The following DGKA variants were observed in gnomAD, a reference collection of about 807,000 sequenced individuals.
DGKA encodes 80 kDa diacylglycerol kinase.
A neutral mutation model predicts 105.0 loss-of-function variants in DGKA; 35 were observed. The observed-to-expected ratio is 0.33, with a 90% CI of 0.25 to 0.44. The LOEUF (loss-of-function observed/expected upper bound fraction) is 0.44. Ranked by LOEUF, DGKA falls within the 20% of genes least tolerant of loss-of-function variation. The pLI is 1.00. For synonymous variants in DGKA, 296 were observed against 332.0 expected (o/e 0.89, Z 1.18); for missense variants, 665 against 915.0 (o/e 0.73, Z 3.53).
In DGKA at chr12:55,940,956, T is replaced by C. The variant is rs1231841680; in HGVS notation, c.1077T>C (p.Asn359=). Residue 359 remains asparagine, a synonymous_variant, in exon 13 of 24, where the codon AAT becomes AAC. Coordinates refer to ENST00000331886, the MANE Select transcript of DGKA (RefSeq NM_001345.5). This position sits in a 1 kb window ranked among gnomAD's most constrained non-coding sequence, Gnocchi z 4.3. ...KTSQKTMDDL[N]LSTSEALRID... ...GCCAGAAGACCATGGATGATTTAAATTTGAGCACCTCTGAGGCTCTGCGGG... is the reference window on the plus strand; with the variant it reads ...GCCAGAAGACCATGGATGATTTAAACTTGAGCACCTCTGAGGCTCTGCGGG... The C allele has an allele frequency of 1.9e-6, 3 of 1,614,110 alleles. No homozygotes were observed. The South Asian group carries it at 3.3e-5, about 18-fold the overall frequency.
Position 55,932,460 on chromosome 12 carries a change from T to A in DGKA, c.-82+1116T>A, listed in dbSNP as rs1883789437. 2.9e-6 allele frequency: 2 copies of A among 692,888 alleles called. No homozygotes were observed. The highest frequency in any genetic ancestry group is 4.0e-5 in the Admixed American group (2 of 49,668). 42.9% of individuals were successfully genotyped at this position (692,888 alleles called of 1,614,324 possible). ...GCACGGGTGGAGAAGGGTTCTTGTT[T>A]GGCCTCCAGGTCCCCAACTTCCCAC... On this transcript the variant is annotated intron_variant, in intron 1 of 23. Coordinates refer to ENST00000331886, the MANE Select transcript of DGKA (RefSeq NM_001345.5). The surrounding 1 kb of genome is among the most constrained non-coding windows in gnomAD (Gnocchi z 4.3).
rs967601717 is a variant in DGKA at position 55,931,363 on chromosome 12, G to A, written c.-82+19G>A. On this transcript the variant is annotated intron_variant, in intron 1 of 23. Coordinates refer to ENST00000331886, the MANE Select transcript of DGKA (RefSeq NM_001345.5). Reference sequence around the variant, plus strand: ...CCAGCAGGTAAAGTGGGAGGATGAGGGCGTGGAGAAAGGGTGGACATAGAC... The same window carrying A: ...CCAGCAGGTAAAGTGGGAGGATGAGAGCGTGGAGAAAGGGTGGACATAGAC... 6.6e-6 allele frequency: 1 copy of A among 152,286 alleles called. No individual in the cohort carries two copies. Among genetic ancestry groups the A allele is most frequent in the Admixed American group, 6.5e-5 (1 of 15,272 alleles). The allele number at this position is 152,286 out of a possible 1,614,324, so 9.4% of individuals were successfully genotyped here. A position where few individuals can be genotyped will look rare whatever the true frequency, so the allele number is the denominator to read the frequency against.
chr12:55,942,234 A>T lies in DGKA; in HGVS notation c.1397A>T (p.Asp466Val). 1 of 1,614,154 alleles carries T rather than the reference A, an allele frequency of 6.2e-7. No homozygotes were observed. Among genetic ancestry groups the T allele is most frequent in the Non-Finnish European group, 8.5e-7 (1 of 1,180,030 alleles). The part of the protein sequence containing the change: ...VAVLPLGTGN[D>V]LARCLRWGGG... ...GTGTTGCCCCTGGGTACTGGAAATG[A>T]TCTGGCTCGATGCCTAAGATGGGGA... is the stretch of plus-strand genomic sequence containing the variant. The change falls in exon 17 of 24, where the codon GAT (aspartate) becomes GTT (valine). Residue 466 changes from aspartate to valine, a missense_variant. Asp to Val is a radical substitution (Grantham distance 152, BLOSUM62 -3). This residue lies in a region of DGKA where 504 missense variants were observed against 681.2 expected (regional missense o/e 0.74). Transcript: ENST00000331886.
chr12:55,943,428 A>C (rs982150988), intron 17 of DGKA: 1 of 152,108 alleles, frequency 6.6e-6, no homozygotes, highest in African/African-American at 2.4e-5. Flanking sequence ...GGTGTGTGCC[A>C]TCACGCCCTG....
At position 55,953,816 on chromosome 12, in the gene DGKA, C is replaced by G; in HGVS notation, c.*48C>G. ...GCCAGCCTTGAACCCACCTCCCTGTCCCTGGACTCTACTCCCGAGGCTCTG... is the reference window on the plus strand; with the variant it reads ...GCCAGCCTTGAACCCACCTCCCTGTGCCTGGACTCTACTCCCGAGGCTCTG... On this transcript the variant is annotated 3_prime_UTR_variant, in exon 24 of 24. Transcript: ENST00000331886. 1 of 1,536,470 alleles carries G rather than the reference C, an allele frequency of 6.5e-7. No homozygotes were observed. Among genetic ancestry groups the G allele is most frequent in the Non-Finnish European group, 9.0e-7 (1 of 1,110,278 alleles).
In DGKA at chr12:55,940,146, T is replaced by C; in HGVS notation, c.774T>C (p.Tyr258=). ...CCCTGCCTTGTGAAGTCAGCACCTA[T>C]GCCAAGTCTCGGAAGGACATTGGTG... The part of the protein sequence containing the change: ...MKALPCEVST[Y]AKSRKDIGVQ... The change falls in exon 10 of 24, where the codon TAT becomes TAC. Residue 258 remains tyrosine, a synonymous_variant. Transcript: ENST00000331886. The surrounding 1 kb of genome is among the most constrained non-coding windows in gnomAD (Gnocchi z 4.3). The C allele has an allele frequency of 6.2e-7, 1 of 1,614,228 alleles. No homozygotes were observed. Among genetic ancestry groups the C allele is most frequent in the South Asian group, 1.1e-5 (1 of 91,080 alleles).
In DGKA at chr12:55,939,293, G is replaced by A. The variant is rs376594972; in HGVS notation, c.582G>A (p.Leu194=). The A allele has an allele frequency of 1.2e-5, 19 of 1,613,928 alleles. No individual in the cohort carries two copies. The highest frequency in any genetic ancestry group is 1.6e-5 in the Non-Finnish European group (19 of 1,179,938). Residue 194 remains leucine, a synonymous_variant, in exon 8 of 24, where the codon CTG becomes CTA. Coordinates refer to ENST00000331886, the MANE Select transcript of DGKA (RefSeq NM_001345.5). ...CCACCGTGCCACTGCTAGTGCTGCT[G>A]GGTCTGGAGATGGTGAGTAGGAGAG... ...GATTVPLLVL[L]GLEMTLKDDG...
At chr12:55,931,503 A>C (rs1471271173) in intron 1 of DGKA, 159 bp downstream of exon 1, 1 of 152,476 alleles carries the variant, frequency 6.6e-6, no homozygotes, top group Admixed American at 6.5e-5. Flanking sequence ...GAAGGTGGGG[A>C]GATTGTCTCA....
intron 5 of DGKA, 194 bp from the exon 6 acceptor site, chr12:55,938,317 C>A (rs1885180470): frequency 1.3e-6 from 1 of 753,012 alleles, no homozygotes; most frequent in African/African-American, 1.8e-5. Context: ...GTATTGTCTC[C>A]CCTGACACAT....
intron 1 of DGKA, among the ~76,000 whole-genome samples, chr12:55,933,145 G>A (rs1883985783): frequency 1.3e-5 from 2 of 152,256 alleles, no homozygotes; most frequent in African/African-American, 2.4e-5. Flanking sequence ...AGAGAGCCAT[G>A]AGCTCTAAGA....
upstream of DGKA, chr12:55,927,812 GC>G (rs1050149988): frequency 2.6e-6 from 4 of 1,521,944 alleles, no homozygotes; most frequent in African/African-American, 4.2e-5. Flanking sequence ...GCCTGGCTCT[GC>G]CCCGCTGGGC....
intron 4 of DGKA, 113 bp downstream of exon 4, chr12:55,937,656 G>T: frequency 7.1e-7 from 1 of 1,400,414 alleles, no homozygotes; most frequent in South Asian, 1.3e-5. Flanking sequence ...GGGGGAAATT[G>T]GTGGAGAATA....
intron 17 of DGKA, among the ~76,000 whole-genome samples, chr12:55,949,536 A>G (rs1284151562): frequency 6.6e-6 from 1 of 152,222 alleles, no homozygotes; most frequent in East Asian, 1.9e-4. Flanking sequence ...ACATTTTGAT[A>G]AAATTTGCCA....
chr12:55,943,902 A>G (rs1886502854), intron 17 of DGKA, among the ~76,000 whole-genome samples: 1 of 152,234 alleles, frequency 6.6e-6, no homozygotes, highest in Non-Finnish European at 1.5e-5. Flanking sequence ...ACAAAAATCA[A>G]GTTAGCATAA....
intron 1 of DGKA, 136 bp from the exon 2 acceptor site, chr12:55,936,287 G>C (rs142727493): frequency 1.0e-6 from 1 of 975,184 alleles, no homozygotes; most frequent in Non-Finnish European, 1.4e-6. Context: ...GGGAAAGGAA[G>C]ATGTTTAGGG....
chr12:55,937,699 G>A, intron 4 of DGKA, 156 bp downstream of exon 4: 1 of 1,038,914 alleles, frequency 9.6e-7, no homozygotes, highest in Non-Finnish European at 1.4e-6. Context: ...AGGGAGGAAA[G>A]GTAAAGGGGA....
Position 55,953,798 on chromosome 12 carries a change from T to C in DGKA, c.*30T>C. The stretch of plus-strand genomic sequence containing the variant: ...GACACCCTTGGCCTCCAAGCCAGCC[T>C]TGAACCCACCTCCCTGTCCCTGGAC... On this transcript the variant is annotated 3_prime_UTR_variant, in exon 24 of 24. Transcript: ENST00000331886. 6.3e-7 allele frequency: 1 copy of C among 1,596,604 alleles called. No homozygotes were observed. Among genetic ancestry groups the C allele is most frequent in the Non-Finnish European group, 8.6e-7 (1 of 1,164,174 alleles).
At chr12:55,928,071 A>C (rs948262777), upstream of DGKA, among the ~76,000 whole-genome samples, 1 of 152,132 alleles carries the variant, frequency 6.6e-6, no homozygotes, top group African/African-American at 2.4e-5. Context: ...GTACCTCCCT[A>C]TTCTGCAGAC....
At chr12:55,945,832 C>T (rs1285366999) in intron 17 of DGKA, among the ~76,000 whole-genome samples, 1 of 151,896 alleles carries the variant, frequency 6.6e-6, no homozygotes, top group African/African-American at 2.4e-5. Flanking sequence ...CTCTGTTGCC[C>T]AGGCTGGAGT....
Sources: gnomAD v4.1 joint callset for allele counts (sites outside exome capture counted in the v4.1 genomes callset) on GRCh38, gnomAD v4.1.1 for gene constraint, gnomAD v4.1.1 regional missense constraint, Gnocchi (gnomAD v3.1) non-coding constraint, MANE v1.5 for transcripts, NCBI Gene and HGNC (gene_info 2026-07-23, HGNC 2026-07-21) for gene names.